The following BMPR1B variants were observed in gnomAD, a reference collection of about 807,000 sequenced individuals.
The protein encoded by BMPR1B is bone morphogenetic protein receptor type 1B.
A neutral mutation model predicts 59.1 loss-of-function variants in BMPR1B; 12 were observed. That is an observed-to-expected ratio of 0.20 (90% CI 0.13 to 0.33). The LOEUF (loss-of-function observed/expected upper bound fraction) is 0.33. Among genes scored for constraint, BMPR1B ranks in the 10% least tolerant of loss-of-function variants. BMPR1B has a pLI of 1.00. For synonymous variants in BMPR1B, 237 were observed against 207.3 expected (o/e 1.14, Z -1.23); for missense variants, 550 against 610.9 (o/e 0.90, Z 1.05).
intron 10 of BMPR1B, among the ~76,000 whole-genome samples, chr4:95,138,694 C>T (rs1010478144): frequency 3.3e-5 from 5 of 152,148 alleles, no homozygotes; most frequent in Admixed American, 6.6e-5. Flanking sequence ...TTCACTTGAT[C>T]GAATCGACTA....
chr4:94,950,833 A>T (rs775765216), intron 2 of BMPR1B, among the ~76,000 whole-genome samples: 1 of 152,206 alleles, frequency 6.6e-6, no homozygotes, highest in Non-Finnish European at 1.5e-5. Context: ...GAAGAAAGTC[A>T]ATAGTAGCTT....
At chr4:95,112,341 CA>C (rs1444109533) in intron 4 of BMPR1B, among the ~76,000 whole-genome samples, 1 of 151,918 alleles carries the variant, frequency 6.6e-6, no homozygotes, top group Admixed American at 6.6e-5. Context: ...TCACATAGGC[CA>C]ATGGTAAGAG....
At chr4:94,809,864 C>G (rs2110636500) in intron 1 of BMPR1B, among the ~76,000 whole-genome samples, 1 of 152,328 alleles carries the variant, frequency 6.6e-6, no homozygotes, top group East Asian at 1.9e-4. Context: ...TAGAGTCCAG[C>G]ATTTACCCTG....
intron 3 of BMPR1B, among the ~76,000 whole-genome samples, chr4:95,038,336 A>G (rs1456546611): frequency 6.6e-6 from 1 of 152,198 alleles, no homozygotes; most frequent in African/African-American, 2.4e-5. Flanking sequence ...AGGACATCAT[A>G]AGCATCCGGT....
rs565721227 is a variant in BMPR1B, at chr4:94,915,398, C to T, written c.-113+39498C>T. ...TAGTTATCAAAACCATTTGGAATCA[C>T]TCTCTCTGAACCAATTCTCACCCCT... On this transcript the variant is annotated intron_variant, in intron 2 of 12. Transcript: ENST00000515059. Among the ~76,000 whole-genome samples, 11 of 152,278 alleles carry T rather than the reference C, an allele frequency of 7.2e-5. No homozygotes were observed. In the South Asian group the frequency reaches 2.3e-3, roughly 32 times the overall value.
chr4:94,988,466 A>G (rs2149095327), intron 2 of BMPR1B, among the ~76,000 whole-genome samples: 1 of 152,314 alleles, frequency 6.6e-6, no homozygotes, highest in East Asian at 1.9e-4. Context: ...ATTTAAGATC[A>G]ATTTCTATTG....
At chr4:95,087,749 AAAAG>A (rs1191827556) in intron 3 of BMPR1B, among the ~76,000 whole-genome samples, 4 of 152,132 alleles carry the variant, frequency 2.6e-5, no homozygotes, top group Non-Finnish European at 5.9e-5. Flanking sequence ...ATAAATAAAT[AAAAG>A]AAAGAAAAGA....
chr4:94,981,004 CACACACA>C (rs1721041874), intron 2 of BMPR1B, among the ~76,000 whole-genome samples: 1 of 120,806 alleles, frequency 8.3e-6, no homozygotes, highest in African/African-American at 3.4e-5. Flanking sequence ...CACACACACA[CACACACA>C]CACACACACA....
chr4:94,831,606 AT>A (rs1724593606), intron 1 of BMPR1B, among the ~76,000 whole-genome samples: 1 of 151,978 alleles, frequency 6.6e-6, no homozygotes, highest in East Asian at 1.9e-4. Flanking sequence ...TTGCCTTTAT[AT>A]TTATTTTTAC....
intron 2 of BMPR1B, among the ~76,000 whole-genome samples, chr4:94,903,667 G>A (rs1451861789): frequency 6.6e-6 from 1 of 151,976 alleles, no homozygotes; most frequent in African/African-American, 2.4e-5. Flanking sequence ...AAATGTGATT[G>A]TATTTGGACA....
chr4:94,925,651 C>T (rs3775021), intron 2 of BMPR1B, among the ~76,000 whole-genome samples: 53,669 of 151,934 alleles, frequency 0.35, 9,745 homozygotes, highest in South Asian at 0.47. Flanking sequence ...CATATAAAAT[C>T]CACATGTAAA....
intron 1 of BMPR1B, among the ~76,000 whole-genome samples, chr4:94,850,276 GAAA>G (rs35845073): frequency 1.4e-4 from 21 of 149,354 alleles, no homozygotes; most frequent in East Asian, 4.0e-4. Context: ...ATTTTTAAAT[GAAA>G]AAAAAAAAAT....
At chr4:94,786,163 G>T (rs1030048588) in intron 1 of BMPR1B, among the ~76,000 whole-genome samples, 2 of 152,188 alleles carry the variant, frequency 1.3e-5, no homozygotes, top group Non-Finnish European at 2.9e-5. Context: ...GACATGGGAA[G>T]ATGAGAGGGC....
intron 10 of BMPR1B, among the ~76,000 whole-genome samples, chr4:95,143,774 A>G (rs1734427309): frequency 6.6e-6 from 1 of 152,198 alleles, no homozygotes; most frequent in Non-Finnish European, 1.5e-5. Flanking sequence ...TACCTGGTAC[A>G]GTAGGGAACT....
rs1468215810 is a variant in BMPR1B at position 95,155,246 on chromosome 4, G to A, written c.*573G>A. On this transcript the variant is annotated 3_prime_UTR_variant, in exon 13 of 13. Transcript: ENST00000515059. ...CACTTTGGCCATCCCTGCATTTGGG[G>A]CCGCTATGGTAATGTGAATGCACTG... 1 of 155,024 alleles carries A rather than the reference G, an allele frequency of 6.5e-6. No homozygotes were observed. The highest frequency in any genetic ancestry group is 1.4e-5 in the Non-Finnish European group (1 of 70,044). The allele number at this position is 155,024 out of a possible 1,614,324, so 9.6% of individuals were successfully genotyped here.
intron 1 of BMPR1B, among the ~76,000 whole-genome samples, chr4:94,788,514 A>ATT (rs1461989873): frequency 6.6e-6 from 1 of 152,116 alleles, no homozygotes; most frequent in Non-Finnish European, 1.5e-5. Context: ...ATAAGGCAAA[A>ATT]ACCAGACCAC....
intron 6 of BMPR1B, among the ~76,000 whole-genome samples, chr4:95,116,160 C>T (rs532279881): frequency 2.0e-5 from 3 of 152,020 alleles, no homozygotes; most frequent in African/African-American, 7.2e-5. Flanking sequence ...AAGTAAAGAC[C>T]ATATAAAGGG....
At chr4:95,098,097 G>A (rs886812620) in intron 3 of BMPR1B, among the ~76,000 whole-genome samples, 20 of 152,104 alleles carry the variant, frequency 1.3e-4, no homozygotes, top group African/African-American at 4.3e-4. Context: ...TAAAATGTGA[G>A]AAAGTACATT....
chr4:95,080,606 A>G (rs1203820242), intron 3 of BMPR1B, among the ~76,000 whole-genome samples: 5 of 152,188 alleles, frequency 3.3e-5, no homozygotes, highest in Admixed American at 6.5e-5. Context: ...GTCAGTTTTC[A>G]AAGTATGATT....
Sources: gnomAD v4.1 joint callset for allele counts (sites outside exome capture counted in the v4.1 genomes callset) on GRCh38, gnomAD v4.1.1 for gene constraint, MANE v1.5 for transcripts, NCBI Gene and HGNC (gene_info 2026-07-23, HGNC 2026-07-21) for gene names.